Variants in FRMPD4 observed in about 807,000 individuals in gnomAD.
The protein encoded by FRMPD4 is FERM and PDZ domain containing 4, also known as FERM and PDZ domain-containing protein 4.
In FRMPD4, 22 loss-of-function variants were observed where a neutral mutation model predicts 94.1. The observed-to-expected ratio is 0.23, with a 90% CI of 0.17 to 0.33. FRMPD4 has a LOEUF of 0.33. FRMPD4 is among the 10% of genes least tolerant of loss of function. FRMPD4 has a pLI of 1.00. For synonymous variants in FRMPD4, 631 were observed against 548.6 expected, an observed-to-expected ratio of 1.15 and a Z score of -2.10; for missense variants, 1,111 against 1,339.9, an observed-to-expected ratio of 0.83 and a Z score of 2.67.
chrX:12,258,381 C>A (rs1421814724), intron 1 of FRMPD4, among the ~76,000 whole-genome samples: 1 of 111,044 alleles, frequency 9.0e-6, no homozygotes, highest in Non-Finnish European at 1.9e-5. Flanking sequence ...GGCGCCCCCA[C>A]TTCCCTGTCT....
chrX:12,072,251 A>C, intron 3 of FRMPD4, among the ~76,000 whole-genome samples: 1 of 112,043 alleles, frequency 8.9e-6, no homozygotes, highest in South Asian at 3.7e-4. Context: ...GCTGCTGTTG[A>C]AAATGAAGCT....
Position 11,977,511 on chromosome X carries a change from A to T in FRMPD4, c.95+99493A>T, listed in dbSNP as rs189431685. Among the ~76,000 whole-genome samples the T allele has an allele frequency of 4.4e-5, 5 of 112,605 alleles. No homozygotes were observed. The East Asian group carries it at 1.4e-3, about 31-fold the overall frequency. ...TGATGAAAAGAGTCTACCTCTGTAA[A>T]ATATTTGAAGAGATTTATTTTGAGC... On this transcript the variant is annotated intron_variant, in intron 3 of 18. Transcript: ENST00000640291.
intron 3 of FRMPD4, among the ~76,000 whole-genome samples, chrX:12,092,131 C>T (rs2055158256): frequency 8.9e-6 from 1 of 111,899 alleles, no homozygotes; most frequent in Admixed American, 9.5e-5. Context: ...ACATCCAAAA[C>T]CTGGATCTTT....
chrX:12,141,732 A>C (rs925182431), intron 1 of FRMPD4, among the ~76,000 whole-genome samples: 2 of 111,611 alleles, frequency 1.8e-5, no homozygotes, highest in Admixed American at 9.5e-5. Flanking sequence ...CCGTTCTTCT[A>C]ATTTTCTGGT....
chrX:12,690,828 A>T (rs1334425850), intron 8 of FRMPD4, among the ~76,000 whole-genome samples: 4 of 111,799 alleles, frequency 3.6e-5, no homozygotes, highest in Non-Finnish European at 5.6e-5. Flanking sequence ...GATTACCAAG[A>T]TGCCACCCCC....
intron 2 of FRMPD4, among the ~76,000 whole-genome samples, chrX:12,500,366 C>G (rs2057905851): frequency 9.0e-6 from 1 of 111,577 alleles, no homozygotes. Flanking sequence ...TTTGTACCAA[C>G]CCCCGCGCAC....
chrX:12,529,077 C>T (rs764709778), intron 2 of FRMPD4, among the ~76,000 whole-genome samples: 4 of 112,608 alleles, frequency 3.6e-5, no homozygotes, highest in Non-Finnish European at 3.8e-5. Context: ...GGATCCTCCA[C>T]CCCAGGGTCT....
chrX:11,997,580 C>A (rs951267672), intron 3 of FRMPD4, among the ~76,000 whole-genome samples: 9 of 110,810 alleles, frequency 8.1e-5, no homozygotes, highest in African/African-American at 3.0e-4. Flanking sequence ...GGAATCTGTG[C>A]ACCAGGCTTT....
chrX:12,210,634 G>A (rs772699082), intron 1 of FRMPD4, among the ~76,000 whole-genome samples: 12 of 110,807 alleles, frequency 1.1e-4, no homozygotes, highest in African/African-American at 3.9e-4. Context: ...TTTGAAAGTA[G>A]CTTGGCGGTG....
chrX:12,536,427 C>T (rs904865412), intron 2 of FRMPD4, among the ~76,000 whole-genome samples: 5 of 111,094 alleles, frequency 4.5e-5, no homozygotes, highest in African/African-American at 1.6e-4. Flanking sequence ...GGCATCATTA[C>T]TTACAGAAAT....
At chrX:12,085,377 T>A (rs921218973) in intron 3 of FRMPD4, among the ~76,000 whole-genome samples, 3 of 111,454 alleles carry the variant, frequency 2.7e-5, no homozygotes, top group African/African-American at 9.8e-5. Context: ...ATGAATTTTT[T>A]TAAAAAAATA....
intron 3 of FRMPD4, among the ~76,000 whole-genome samples, chrX:11,955,636 G>A (rs1183556295): frequency 3.7e-5 from 4 of 108,772 alleles, no homozygotes. Flanking sequence ...CAGCTACTCG[G>A]GAGGCTGAGG....
intron 2 of FRMPD4, among the ~76,000 whole-genome samples, chrX:11,875,425 A>C (rs2053777605): frequency 8.9e-6 from 1 of 111,982 alleles, no homozygotes; most frequent in Admixed American, 9.4e-5. Flanking sequence ...AGAAAAATCC[A>C]CAACCTACAG....
intron 1 of FRMPD4, among the ~76,000 whole-genome samples, chrX:12,493,653 T>G (rs1420784802): frequency 6.2e-5 from 7 of 112,072 alleles, no homozygotes; most frequent in Non-Finnish European, 1.3e-4. Context: ...CAGGGCTCAG[T>G]AGATTGCTGT....
chrX:11,829,259 A>G (rs748823235), intron 1 of FRMPD4, among the ~76,000 whole-genome samples: 12 of 112,148 alleles, frequency 1.1e-4, no homozygotes, highest in Non-Finnish European at 2.1e-4. Flanking sequence ...AAAATTAACC[A>G]TCACAGTGGG....
At chrX:12,110,623 C>T (rs376920620) in intron 3 of FRMPD4, among the ~76,000 whole-genome samples, 13 of 111,050 alleles carry the variant, frequency 1.2e-4, no homozygotes, top group Non-Finnish European at 2.3e-4. Flanking sequence ...AAAGAGGAAG[C>T]CAAATTGTCC....
intron 1 of FRMPD4, among the ~76,000 whole-genome samples, chrX:12,485,763 G>A (rs1372581764): frequency 9.0e-6 from 1 of 110,771 alleles, no homozygotes; most frequent in East Asian, 2.8e-4. Context: ...ACAAAAATTA[G>A]CCAGGCATGG....
chrX:12,634,824 C>CTTT (rs780126204), intron 4 of FRMPD4, among the ~76,000 whole-genome samples: 1,054 of 52,206 alleles, frequency 0.02, 123 homozygotes, highest in African/African-American at 0.064. Flanking sequence ...GTCCATCTCT[C>CTTT]TTTTTTTTTT....
intron 1 of FRMPD4, among the ~76,000 whole-genome samples, chrX:12,318,178 T>C (rs2055155616): frequency 1.8e-5 from 2 of 112,799 alleles, no homozygotes; most frequent in Admixed American, 9.3e-5. Flanking sequence ...TAGGACATTA[T>C]GTTAAGTGAA....
Sources: allele counts gnomAD v4.1 joint callset (sites outside exome capture counted in the v4.1 genomes callset), GRCh38; gene constraint gnomAD v4.1.1; transcripts MANE v1.5; gene names NCBI Gene and HGNC (gene_info 2026-07-23, HGNC 2026-07-21).